The following ASIC2 variants were observed in gnomAD, a reference collection of about 807,000 sequenced individuals.
ASIC2 encodes acid-sensing ion channel 2.
A neutral mutation model predicts 57.3 loss-of-function variants in ASIC2; 25 were observed. The observed-to-expected ratio is 0.44, with a 90% confidence interval of 0.32 to 0.61. The LOEUF (loss-of-function observed/expected upper bound fraction) is 0.61, where lower values mean the gene tolerates loss of function less well. Among genes scored for constraint, ASIC2 ranks in the 20% least tolerant of loss-of-function variants. ASIC2 has a pLI of 0.06. For synonymous variants in ASIC2, 319 were observed against 307.5 expected (o/e 1.04, Z -0.39); for missense variants, 641 against 738.1 (o/e 0.87, Z 1.52).
intron 1 of ASIC2, among the ~76,000 whole-genome samples, chr17:33,999,530 C>A (rs903950209): frequency 3.3e-5 from 5 of 152,022 alleles, no homozygotes; most frequent in African/African-American, 1.2e-4. Context: ...TCTGTATGTA[C>A]TACAGGTAGT....
chr17:33,095,289 G>T (rs748867636), intron 2 of ASIC2, among the ~76,000 whole-genome samples: 1 of 152,066 alleles, frequency 6.6e-6, no homozygotes, highest in Non-Finnish European at 1.5e-5. Context: ...GTTACCCTCT[G>T]CCCACCTTTG....
chr17:33,523,490 C>G (rs1914802165), intron 1 of ASIC2, among the ~76,000 whole-genome samples: 1 of 152,168 alleles, frequency 6.6e-6, no homozygotes, highest in Non-Finnish European at 1.5e-5. Context: ...AACTCCTGGC[C>G]TCAAGTGATC....
chr17:33,656,660 C>G (rs993025000), intron 1 of ASIC2, among the ~76,000 whole-genome samples: 1 of 152,162 alleles, frequency 6.6e-6, no homozygotes, highest in South Asian at 2.1e-4. Context: ...TCCAGGAAGG[C>G]CTCCTGGAAC....
intron 1 of ASIC2, among the ~76,000 whole-genome samples, chr17:33,655,261 A>G (rs921859847): frequency 6.6e-6 from 1 of 152,216 alleles, no homozygotes; most frequent in African/African-American, 2.4e-5. Context: ...GATTACTGTG[A>G]GAGTTAGGTC....
chr17:33,892,800 T>C (rs1490935424), intron 1 of ASIC2, among the ~76,000 whole-genome samples: 1 of 152,124 alleles, frequency 6.6e-6, no homozygotes, highest in Non-Finnish European at 1.5e-5. Flanking sequence ...TGGGCTAAGG[T>C]ACAGTTTTTC....
In ASIC2 at chr17:33,044,297, TCCATCCAA is replaced by T. The variant is rs1307696502; in HGVS notation, c.988-15913_988-15906del. Among the ~76,000 whole-genome samples the T allele has an allele frequency of 1.1e-4, 16 of 150,108 alleles. No individual in the cohort carries two copies. In the South Asian group the frequency reaches 1.7e-3, roughly 16 times the overall value. ...ATCCATCCATCCATCCATCCATCCA[TCCATCCAA>T]CCATCCATCCATCCATCTTCCCATG... On this transcript the variant is annotated intron_variant, in intron 3 of 9. Coordinates refer to ENST00000225823, the MANE Select transcript of ASIC2 (RefSeq NM_183377.2).
intron 1 of ASIC2, among the ~76,000 whole-genome samples, chr17:34,115,259 T>C (rs1318014289): frequency 6.6e-6 from 1 of 152,192 alleles, no homozygotes; most frequent in Non-Finnish European, 1.5e-5. Context: ...ACATTAAGTG[T>C]TTTGGATGGT....
chr17:33,812,710 A>G (rs557754242), intron 1 of ASIC2, among the ~76,000 whole-genome samples: 1 of 152,316 alleles, frequency 6.6e-6, no homozygotes, highest in Admixed American at 6.5e-5. Context: ...GAAATGACTG[A>G]GAAAGAGCTC....
chr17:33,781,963 T>C (rs1211134618), intron 1 of ASIC2, among the ~76,000 whole-genome samples: 1 of 152,184 alleles, frequency 6.6e-6, no homozygotes, highest in African/African-American at 2.4e-5. Context: ...TATAGATTTC[T>C]GTAGGAACCT....
intron 1 of ASIC2, among the ~76,000 whole-genome samples, chr17:33,525,668 C>A (rs555544023): frequency 1.3e-5 from 2 of 152,360 alleles, no homozygotes; most frequent in East Asian, 3.9e-4. Context: ...GACGGACTGA[C>A]CAGCTCCCAC....
chr17:33,559,451 G>C (rs1193109587), intron 1 of ASIC2, among the ~76,000 whole-genome samples: 1 of 151,828 alleles, frequency 6.6e-6, no homozygotes, highest in Admixed American at 6.6e-5. Flanking sequence ...CCTAAATGAA[G>C]AACTGAAAAA....
Position 33,307,500 on chromosome 17 carries a change from G to A in ASIC2, c.556-195433C>T, listed in dbSNP as rs542618819. Among the ~76,000 whole-genome samples, 150 of 152,224 alleles carry A rather than the reference G, an allele frequency of 9.9e-4. 1 individual carries two copies. The highest frequency in any genetic ancestry group is 3.4e-3 in the African/African-American group (143 of 41,536). The stretch of plus-strand genomic sequence containing the variant: ...AATTTTTGTATTTTTAGTAGAGACA[G>A]GATTTCACCATGTTGGCCAGACTAG... On this transcript the variant is annotated intron_variant, in intron 1 of 9. Coordinates refer to the ASIC2 transcript ENST00000359872.
At chr17:33,970,649 G>C (rs1905202267) in intron 1 of ASIC2, among the ~76,000 whole-genome samples, 1 of 152,236 alleles carries the variant, frequency 6.6e-6, no homozygotes, top group Admixed American at 6.5e-5. Context: ...CAGACCCAGG[G>C]AGATTTAAGG....
intron 1 of ASIC2, among the ~76,000 whole-genome samples, chr17:33,998,703 T>C (rs1221209110): frequency 2.0e-5 from 3 of 152,214 alleles, no homozygotes; most frequent in Non-Finnish European, 1.5e-5. Context: ...TTTTGATTTT[T>C]TATTTCATAG....
chr17:34,056,040 A>G (rs1036748872), intron 1 of ASIC2, among the ~76,000 whole-genome samples: 52 of 152,122 alleles, frequency 3.4e-4, no homozygotes, highest in African/African-American at 1.2e-3. Context: ...TAAGACTGTC[A>G]GGGGACAGAT....
chr17:33,823,017 T>C (rs541119017), intron 1 of ASIC2, among the ~76,000 whole-genome samples: 1 of 152,200 alleles, frequency 6.6e-6, no homozygotes, highest in Non-Finnish European at 1.5e-5. Context: ...GCAGAAGATA[T>C]GCAGTGTAGA....
chr17:33,299,647 C>G (rs1905869068), intron 1 of ASIC2, among the ~76,000 whole-genome samples: 1 of 152,116 alleles, frequency 6.6e-6, no homozygotes, highest in Non-Finnish European at 1.5e-5. Context: ...TTTTACTTGA[C>G]TTCAAGCTCT....
chr17:33,272,090 C>T (rs1016882429), intron 1 of ASIC2, among the ~76,000 whole-genome samples: 8 of 152,182 alleles, frequency 5.3e-5, no homozygotes, highest in Admixed American at 2.0e-4. Context: ...GATTGCATCC[C>T]CCTATCATTT....
At chr17:34,107,254 C>A (rs763033486) in intron 1 of ASIC2, among the ~76,000 whole-genome samples, 17 of 152,096 alleles carry the variant, frequency 1.1e-4, no homozygotes, top group Non-Finnish European at 2.1e-4. Context: ...GTAATCCCAG[C>A]ACTTTGGGAG....
Sources: gnomAD v4.1 joint callset for allele counts (sites outside exome capture counted in the v4.1 genomes callset) on GRCh38, gnomAD v4.1.1 for gene constraint, MANE v1.5 for transcripts, NCBI Gene and HGNC (gene_info 2026-07-23, HGNC 2026-07-21) for gene names.